ESRP1: variants seen among roughly 807,000 people sequenced by gnomAD.
ESRP1 encodes the protein RNA-binding motif protein 35A.
Under a neutral mutation model 81.7 loss-of-function variants are expected in ESRP1, and 33 were observed. The observed-to-expected ratio is 0.40, with a 90% confidence interval of 0.31 to 0.54. ESRP1 has a LOEUF of 0.54. Among genes scored for constraint, ESRP1 ranks in the 20% least tolerant of loss-of-function variants. The pLI, the probability that ESRP1 is intolerant of heterozygous loss-of-function variation, is 0.41. For missense variants in ESRP1, 672 were observed against 833.1 expected (o/e 0.81, Z 2.38); for synonymous variants, 320 against 303.3 (o/e 1.06, Z -0.57).
intron 12 of ESRP1, among the ~76,000 whole-genome samples, 190 bp downstream of exon 12, chr8:94,674,696 A>G (rs1819504930): frequency 1.3e-5 from 2 of 152,186 alleles, no homozygotes. Context: ...ATAATTAGAG[A>G]TGCTACAAAT....
chr8:94,668,783 T>G (rs1157198066), intron 10 of ESRP1, among the ~76,000 whole-genome samples: 2 of 56,022 alleles, frequency 3.6e-5, no homozygotes, highest in African/African-American at 1.1e-4. Context: ...TTTACTAGCT[T>G]TCAGCATGTG....
At chr8:94,696,109 C>T (rs1252495786) in intron 14 of ESRP1, among the ~76,000 whole-genome samples, 2 of 152,164 alleles carry the variant, frequency 1.3e-5, no homozygotes, top group African/African-American at 4.8e-5. Context: ...CATACTTCAT[C>T]TGGGGTGGAG....
At position 94,686,866 on chromosome 8, in the gene ESRP1, C is replaced by T. The variant is rs1255591171; in HGVS notation, c.1821-5811C>T. Reference sequence around the variant, plus strand: ...TTAAGAACTTTTTATTCTTATTTGGCGTGCAATTAGAAAATTTCATGCTTA... The same window carrying T: ...TTAAGAACTTTTTATTCTTATTTGGTGTGCAATTAGAAAATTTCATGCTTA... On this transcript the variant is annotated intron_variant, in intron 13 of 15. Coordinates refer to ENST00000433389, the MANE Select transcript of ESRP1 (RefSeq NM_017697.4). Among the ~76,000 whole-genome samples, 8 of 152,096 alleles carry T rather than the reference C, an allele frequency of 5.3e-5. No homozygotes were observed. The South Asian group carries it at 6.2e-4, about 12-fold the overall frequency.
chr8:94,673,700 G>C (rs1053406876), intron 11 of ESRP1, among the ~76,000 whole-genome samples: 2 of 152,168 alleles, frequency 1.3e-5, no homozygotes, highest in Non-Finnish European at 2.9e-5. Flanking sequence ...AGTGAGAGAA[G>C]GGCTCCCAAG....
At chr8:94,657,649 G>A (rs1193600576) in intron 4 of ESRP1, among the ~76,000 whole-genome samples, 1 of 152,116 alleles carries the variant, frequency 6.6e-6, no homozygotes, top group South Asian at 2.1e-4. Flanking sequence ...TGGCACCAAG[G>A]TAGTAGCCAA....
chr8:94,642,134 C>T, intron 2 of ESRP1, 50 bp downstream of exon 2: 1 of 1,588,004 alleles, frequency 6.3e-7, no homozygotes, highest in Non-Finnish European at 8.5e-7. Flanking sequence ...CCAACCCCAC[C>T]GCACCCTACG....
intron 15 of ESRP1, among the ~76,000 whole-genome samples, chr8:94,702,010 C>T (rs990714750): frequency 2.0e-5 from 3 of 152,052 alleles, no homozygotes; most frequent in Non-Finnish European, 2.9e-5. Flanking sequence ...CCCAGGAGGT[C>T]GAGGTTGCGG....
chr8:94,700,711 C>T (rs953382155), intron 15 of ESRP1, among the ~76,000 whole-genome samples: 1 of 150,804 alleles, frequency 6.6e-6, no homozygotes, highest in Non-Finnish European at 1.5e-5. Context: ...GGGCGGATCA[C>T]GAGGTCAGGA....
intron 13 of ESRP1, among the ~76,000 whole-genome samples, chr8:94,679,725 A>G (rs1227504838): frequency 6.6e-6 from 1 of 152,062 alleles, no homozygotes; most frequent in Non-Finnish European, 1.5e-5. Flanking sequence ...ATAGGAGTGT[A>G]GTGAGTAAAA....
intron 13 of ESRP1, among the ~76,000 whole-genome samples, chr8:94,689,810 G>GTTTTTTT (rs1563545236): frequency 1.8e-5 from 1 of 55,332 alleles, no homozygotes; most frequent in African/African-American, 6.6e-5. Context: ...ATGATGCCTG[G>GTTTTTTT]CTTTTTTTTT....
chr8:94,655,085 GTGTTT>G (rs1160991714), intron 4 of ESRP1, among the ~76,000 whole-genome samples: 1 of 147,906 alleles, frequency 6.8e-6, no homozygotes, highest in African/African-American at 2.5e-5. Context: ...GTGTGTGTGT[GTGTTT>G]TGTTTTGTTT....
rs745891866 is a variant in ESRP1 at position 94,679,655 on chromosome 8, AT to A, written c.1820+1295del. On this transcript the variant is annotated intron_variant, in intron 13 of 15. Transcript: ENST00000433389. ...ATGTTGGATGTGGGCCTGTAGGTCA[AT>A]TTTTTTTTTTCTACCAGTAGTTTTA... 7.1e-3 allele frequency among the ~76,000 whole-genome samples: 1,054 copies of A among 148,526 alleles called. 5 individuals are homozygous for A. Among genetic ancestry groups the A allele is most frequent in the African/African-American group, 0.019 (792 of 40,674 alleles).
At chr8:94,699,953 G>C (rs577192469) in intron 15 of ESRP1, among the ~76,000 whole-genome samples, 1 of 151,286 alleles carries the variant, frequency 6.6e-6, no homozygotes, top group South Asian at 2.1e-4. Flanking sequence ...TATCATAACC[G>C]AGTGGCTCAT....
At chr8:94,656,667 G>A (rs1818441321) in intron 4 of ESRP1, among the ~76,000 whole-genome samples, 1 of 152,116 alleles carries the variant, frequency 6.6e-6, no homozygotes, top group African/African-American at 2.4e-5. Flanking sequence ...GGTATTATAA[G>A]TCTGGCAGCA....
intron 15 of ESRP1, among the ~76,000 whole-genome samples, chr8:94,697,944 CT>C (rs1049091121): frequency 3.3e-5 from 5 of 151,244 alleles, no homozygotes; most frequent in Admixed American, 6.6e-5. Context: ...CCATGCCTGG[CT>C]TTTTTTTTGT....
chr8:94,659,389 A>G (rs1818601939), intron 4 of ESRP1, among the ~76,000 whole-genome samples: 1 of 152,140 alleles, frequency 6.6e-6, no homozygotes, highest in Non-Finnish European at 1.5e-5. Flanking sequence ...GCAGGGCCAT[A>G]TTAGGTGGCA....
chr8:94,641,880 G>A, intron 1 of ESRP1, 76 bp from the exon 2 acceptor site: 1 of 1,578,724 alleles, frequency 6.3e-7, no homozygotes, highest in Non-Finnish European at 8.6e-7. Context: ...CGCCCCAGCA[G>A]GGGAGCGAGG....
At chr8:94,698,982 T>G (rs1809709692) in intron 15 of ESRP1, among the ~76,000 whole-genome samples, 5 of 152,144 alleles carry the variant, frequency 3.3e-5, no homozygotes, top group Admixed American at 3.3e-4. Flanking sequence ...TGTTCTCTAG[T>G]CTTTGTCTCA....
intron 11 of ESRP1, among the ~76,000 whole-genome samples, chr8:94,672,107 G>C (rs1288233522): frequency 2.6e-5 from 4 of 152,150 alleles, no homozygotes; most frequent in Admixed American, 6.6e-5. Context: ...CTCTGCTGTA[G>C]TGTTACAGCA....
Sources: gnomAD v4.1 joint callset for allele counts (sites outside exome capture counted in the v4.1 genomes callset) on GRCh38, gnomAD v4.1.1 for gene constraint, MANE v1.5 for transcripts, NCBI Gene and HGNC (gene_info 2026-07-23, HGNC 2026-07-21) for gene names.